Variants in MFSD6 observed in about 807,000 individuals in gnomAD.
MFSD6 encodes major facilitator superfamily domain-containing protein 6.
MFSD6 carries 26 observed loss-of-function variants against 56.3 expected under a neutral mutation model. The ratio of observed to expected loss-of-function variants is 0.46; its 90% CI spans 0.34 to 0.64. The LOEUF is 0.64. MFSD6 is among the 30% of genes least tolerant of loss of function. The pLI, the probability that MFSD6 is intolerant of heterozygous loss-of-function variation, is 0.01. For synonymous variants in MFSD6, 331 were observed against 366.9 expected (o/e 0.90, Z 1.12); for missense variants, 750 against 986.2 (o/e 0.76, Z 3.21).
chr2:190,500,295 G>A lies in MFSD6; in HGVS notation c.*77G>A, dbSNP rs562510153. 7.8e-5 allele frequency: 118 copies of A among 1,503,424 alleles called. 1 individual carries two copies. In the East Asian group the frequency reaches 2.5e-3, roughly 32 times the overall value. 93.1% of individuals were successfully genotyped at this position (1,503,424 alleles called of 1,614,324 possible). On this transcript the variant is annotated 3_prime_UTR_variant, in exon 8 of 8. Coordinates refer to ENST00000392328, the MANE Select transcript of MFSD6 (RefSeq NM_017694.4). This position sits in a 1 kb window ranked among gnomAD's most constrained non-coding sequence, Gnocchi z 5.3. Reference sequence around the variant, plus strand: ...ACACAGGGTGAGGCCCCCCAGCCAGGATATGCCTCCCCTGGAGGAGCACAG... The same window carrying A: ...ACACAGGGTGAGGCCCCCCAGCCAGAATATGCCTCCCCTGGAGGAGCACAG...
intron 3 of MFSD6, among the ~76,000 whole-genome samples, chr2:190,452,573 ACC>A (rs1318413042): frequency 6.6e-6 from 1 of 152,302 alleles, no homozygotes; most frequent in Non-Finnish European, 1.5e-5. Context: ...CTCAGCTGCT[ACC>A]TTATAGCTTC....
Position 190,496,644 on chromosome 2 carries a change from A to G in MFSD6, c.1892-795A>G, listed in dbSNP as rs1689696043. Among the ~76,000 whole-genome samples, 1 of 152,012 alleles carries G rather than the reference A, an allele frequency of 6.6e-6. No homozygotes were observed. Among genetic ancestry groups the G allele is most frequent in the African/African-American group, 2.4e-5 (1 of 41,328 alleles). On this transcript the variant is annotated intron_variant, in intron 6 of 7. Coordinates refer to ENST00000392328, the MANE Select transcript of MFSD6 (RefSeq NM_017694.4). The surrounding 1 kb of genome is among the most constrained non-coding windows in gnomAD (Gnocchi z 4.7). ...TATGTATGTATATGTGTGTATATAT[A>G]TGTATATGTGTATATGTGTGTGTAT...
In MFSD6 at chr2:190,501,167, A is replaced by G. The variant is rs200931500; in HGVS notation, c.*949A>G. 7.9e-5 allele frequency: 12 copies of G among 152,346 alleles called. No homozygotes were observed. The East Asian group carries it at 1.5e-3, about 20-fold the overall frequency. 9.4% of individuals were successfully genotyped at this position (152,346 alleles called of 1,614,324 possible). ...AGCAGTACTAGTTACAAATCACAGT[A>G]TAAGATTTAAGTGCCTGGGGGAAGG... is the stretch of plus-strand genomic sequence containing the variant. On this transcript the variant is annotated 3_prime_UTR_variant, in exon 8 of 8. Coordinates refer to ENST00000392328, the MANE Select transcript of MFSD6 (RefSeq NM_017694.4).
intron 4 of MFSD6, among the ~76,000 whole-genome samples, chr2:190,482,868 C>CA (rs1688758028): frequency 1.0e-4 from 5 of 48,292 alleles, no homozygotes; most frequent in Non-Finnish European, 1.5e-4. Flanking sequence ...AGACTATCAT[C>CA]TTTTTTTTTT....
intron 3 of MFSD6, among the ~76,000 whole-genome samples, chr2:190,441,852 T>C (rs1431401438): frequency 1.3e-5 from 2 of 152,154 alleles, no homozygotes; most frequent in East Asian, 1.9e-4. Flanking sequence ...GTGGAGAGGC[T>C]GCCTGTGGTT....
intron 3 of MFSD6, among the ~76,000 whole-genome samples, chr2:190,468,100 G>A (rs982864317): frequency 6.6e-6 from 1 of 152,136 alleles, no homozygotes; most frequent in African/African-American, 2.4e-5. Context: ...TTAATTTCCT[G>A]TGGCTTTTTT....
intron 4 of MFSD6, among the ~76,000 whole-genome samples, chr2:190,476,404 G>A (rs1386487006): frequency 2.0e-5 from 3 of 152,170 alleles, no homozygotes; most frequent in Admixed American, 2.0e-4. Flanking sequence ...GATATGAACA[G>A]ACTCTTCTCA....
rs1685789864 is a variant in MFSD6 at position 190,426,529 on chromosome 2, G to A, written c.-53-9448G>A. On this transcript the variant is annotated intron_variant, in intron 2 of 7. Coordinates refer to ENST00000392328, the MANE Select transcript of MFSD6 (RefSeq NM_017694.4). The surrounding 1 kb of genome is among the most constrained non-coding windows in gnomAD (Gnocchi z 4.7). The stretch of plus-strand genomic sequence containing the variant: ...GGGTACAATGCATGTTTGTTACATG[G>A]GTATATTGTGTAGTTGTGGGGATTG... 6.6e-6 allele frequency among the ~76,000 whole-genome samples: 1 copy of A among 152,002 alleles called. No homozygotes were observed. The highest frequency in any genetic ancestry group is 6.6e-5 in the Admixed American group (1 of 15,264).
chr2:190,439,894 G>T lies in MFSD6; in HGVS notation c.1532+2333G>T, dbSNP rs1259949456. Reference sequence around the variant, plus strand: ...CCACATACTTAGGTAGAATGGATCTGTTCCTTTTAGTGATAATTTTGGGAG... The same window carrying T: ...CCACATACTTAGGTAGAATGGATCTTTTCCTTTTAGTGATAATTTTGGGAG... On this transcript the variant is annotated intron_variant, in intron 3 of 7. Transcript: ENST00000392328. The surrounding 1 kb of genome is among the most constrained non-coding windows in gnomAD (Gnocchi z 5.8). 6.6e-6 allele frequency among the ~76,000 whole-genome samples: 1 copy of T among 152,220 alleles called. No homozygotes were observed. Among genetic ancestry groups the T allele is most frequent in the Non-Finnish European group, 1.5e-5 (1 of 68,036 alleles).
chr2:190,446,965 G>A (rs1686606552), intron 3 of MFSD6, among the ~76,000 whole-genome samples: 1 of 152,198 alleles, frequency 6.6e-6, no homozygotes, highest in East Asian at 1.9e-4. Flanking sequence ...GCCTGGGCCA[G>A]CTGCTGGGAC....
At chr2:190,478,437 T>C (rs1688468033) in intron 4 of MFSD6, among the ~76,000 whole-genome samples, 2 of 152,200 alleles carry the variant, frequency 1.3e-5, no homozygotes, top group African/African-American at 2.4e-5. Context: ...TGGAAAACAG[T>C]AGATTATTCA....
rs72905253 is a variant in MFSD6, at chr2:190,445,281, T to G, written c.1532+7720T>G. ...ATGCAAGAAGCAGTCGGAGATGCTG[T>G]CATTGTTAACTATCAGTGGTGGGGG... On this transcript the variant is annotated intron_variant, in intron 3 of 7. Transcript: ENST00000392328. Among the ~76,000 whole-genome samples the G allele has an allele frequency of 5.5e-3, 838 of 152,310 alleles. 13 individuals carry two copies. The highest frequency in any genetic ancestry group is 0.035 in the South Asian group (167 of 4,824).
rs1687360133 is a variant in MFSD6 at position 190,462,107 on chromosome 2, G to T, written c.1533-7651G>T. Among the ~76,000 whole-genome samples the T allele has an allele frequency of 6.6e-6, 1 of 152,090 alleles. No homozygotes were observed. Among genetic ancestry groups the T allele is most frequent in the Non-Finnish European group, 1.5e-5 (1 of 68,006 alleles). ...GATTTCCAGGATAATCATTGTTCGT[G>T]ATTTGCTGTCTGTCTCCTTCTTGGT... On this transcript the variant is annotated intron_variant, in intron 3 of 7. Transcript: ENST00000392328. This position sits in a 1 kb window ranked among gnomAD's most constrained non-coding sequence, Gnocchi z 5.7.
rs1475474685 is a variant in MFSD6 at position 190,497,270 on chromosome 2, T to G, written c.1892-169T>G. On this transcript the variant is annotated intron_variant, in intron 6 of 7. Transcript: ENST00000392328. The surrounding 1 kb of genome is among the most constrained non-coding windows in gnomAD (Gnocchi z 5.2). ...CAAAGATAAACATCATGTTCATTGA[T>G]TCAGTACTTACACCAAGTAATGAAG... 6.6e-6 allele frequency among the ~76,000 whole-genome samples: 1 copy of G among 152,158 alleles called. No homozygotes were observed. The highest frequency in any genetic ancestry group is 6.5e-5 in the Admixed American group (1 of 15,272).
At chr2:190,430,166 G>A (rs937377218) in intron 2 of MFSD6, among the ~76,000 whole-genome samples, 25 of 151,812 alleles carry the variant, frequency 1.6e-4, no homozygotes, top group Non-Finnish European at 2.2e-4. Context: ...TCCCTGCAAA[G>A]GACATGAACG....
Position 190,495,907 on chromosome 2 carries a change from A to G in MFSD6, c.1892-1532A>G, listed in dbSNP as rs967217837. On this transcript the variant is annotated intron_variant, in intron 6 of 7. Coordinates refer to ENST00000392328, the MANE Select transcript of MFSD6 (RefSeq NM_017694.4). This position sits in a 1 kb window ranked among gnomAD's most constrained non-coding sequence, Gnocchi z 4.7. Reference sequence around the variant, plus strand: ...AAAATTCTAGAAGATAACATCAGAAAAACCCTTCTAGACATTGGCTTAGGC... The same window carrying G: ...AAAATTCTAGAAGATAACATCAGAAGAACCCTTCTAGACATTGGCTTAGGC... Among the ~76,000 whole-genome samples, 4 of 152,212 alleles carry G rather than the reference A, an allele frequency of 2.6e-5. No individual in the cohort carries two copies. The highest frequency in any genetic ancestry group is 2.6e-4 in the Admixed American group (4 of 15,282).
chr2:190,411,741 A>G (rs1432244623), intron 1 of MFSD6: 6 of 985,322 alleles, frequency 6.1e-6, no homozygotes, highest in Non-Finnish European at 7.2e-6. Flanking sequence ...TTGGGGGGCA[A>G]AGGGTAAAGA....
chr2:190,445,798 A>T (rs559366642), intron 3 of MFSD6, among the ~76,000 whole-genome samples: 2 of 135,676 alleles, frequency 1.5e-5, no homozygotes, highest in Non-Finnish European at 3.2e-5. Context: ...AATCAGATTC[A>T]TAACGTGGTA....
At chr2:190,429,178 A>G (rs879420197) in intron 2 of MFSD6, among the ~76,000 whole-genome samples, 1 of 150,820 alleles carries the variant, frequency 6.6e-6, no homozygotes, top group Non-Finnish European at 1.5e-5. Flanking sequence ...ATTTTTTTCT[A>G]TTGATTTTAA....
Sources: gnomAD v4.1 joint callset for allele counts (sites outside exome capture counted in the v4.1 genomes callset) on GRCh38, gnomAD v4.1.1 for gene constraint, Gnocchi (gnomAD v3.1) non-coding constraint, MANE v1.5 for transcripts, NCBI Gene and HGNC (gene_info 2026-07-23, HGNC 2026-07-21) for gene names.